The following FLACC1 variants were observed in gnomAD, a reference collection of about 807,000 sequenced individuals.
The protein encoded by FLACC1 is flagellum associated containing coiled-coil domains 1, also known as flagellum-associated coiled-coil domain-containing protein 1.
Under a neutral mutation model 62.8 loss-of-function variants are expected in FLACC1, and 66 were observed. That is an observed-to-expected ratio of 1.05 (90% CI 0.86 to 1.29). The LOEUF (loss-of-function observed/expected upper bound fraction) is 1.29, where lower values mean the gene tolerates loss of function less well. FLACC1 is among the 50% of genes most tolerant of loss of function. FLACC1 has a pLI of 0.00. For synonymous variants in FLACC1, 156 were observed against 161.0 expected (o/e 0.97, Z 0.24); for missense variants, 452 against 489.1 (o/e 0.92, Z 0.71).
Position 201,346,041 on chromosome 2 carries a change from T to C in FLACC1, c.368+501A>G, listed in dbSNP as rs1361858139. Among the ~76,000 whole-genome samples, 2 of 152,078 alleles carry C rather than the reference T, an allele frequency of 1.3e-5. No individual in the cohort carries two copies. The highest frequency in any genetic ancestry group is 2.9e-5 in the Non-Finnish European group (2 of 68,018). On this transcript the variant is annotated intron_variant, in intron 5 of 14. Transcript: ENST00000392257. The surrounding 1 kb of genome is among the most constrained non-coding windows in gnomAD (Gnocchi z 4.0). ...TTAGCCGGGCGTCATGGTGCAAGCC[T>C]GTAATCCTAGCTACTCAAGAGGTTG... is the stretch of plus-strand genomic sequence containing the variant.
intron 12 of FLACC1, among the ~76,000 whole-genome samples, chr2:201,296,783 G>A (rs1406320725): frequency 1.3e-5 from 2 of 152,174 alleles, no homozygotes; most frequent in Non-Finnish European, 2.9e-5. Context: ...GGTGGCACCT[G>A]AGAGGACAAG....
At chr2:201,291,996 A>C (rs1336860871) in intron 12 of FLACC1, among the ~76,000 whole-genome samples, 1 of 152,210 alleles carries the variant, frequency 6.6e-6, no homozygotes, top group Non-Finnish European at 1.5e-5. Flanking sequence ...AGAAGAAATG[A>C]ACAAAGCCTC....
chr2:201,307,742 C>T, intron 10 of FLACC1, 120 bp from the exon 11 acceptor site: 1 of 770,108 alleles, frequency 1.3e-6, no homozygotes, highest in Non-Finnish European at 2.2e-6. Context: ...AAGGTCATTG[C>T]AGCCTGGTGT....
chr2:201,328,439 T>A (rs1950535446), intron 9 of FLACC1, among the ~76,000 whole-genome samples: 1 of 152,090 alleles, frequency 6.6e-6, no homozygotes, highest in Admixed American at 6.5e-5. Flanking sequence ...TTATATATAT[T>A]TTTTGAGACA....
intron 7 of FLACC1, among the ~76,000 whole-genome samples, chr2:201,339,648 T>C (rs1950765952): frequency 6.6e-6 from 1 of 152,164 alleles, no homozygotes; most frequent in African/African-American, 2.4e-5. Context: ...CCATCTTAAT[T>C]TCTTCATTGT....
At chr2:201,299,104 A>G (rs1207120614) in intron 12 of FLACC1, 134 bp downstream of exon 12, 2 of 819,668 alleles carry the variant, frequency 2.4e-6, no homozygotes, top group South Asian at 1.9e-5. Context: ...TGAATCCAGT[A>G]AACTCAGCTT....
chr2:201,345,800 G>A (rs1950901409), intron 5 of FLACC1, among the ~76,000 whole-genome samples: 1 of 152,152 alleles, frequency 6.6e-6, no homozygotes, highest in Non-Finnish European at 1.5e-5. Context: ...CTGTGCTAAT[G>A]GGTTAGAGTC....
chr2:201,335,921 T>C (rs1220363819), intron 7 of FLACC1, among the ~76,000 whole-genome samples: 1 of 152,216 alleles, frequency 6.6e-6, no homozygotes, highest in Non-Finnish European at 1.5e-5. Context: ...AGCTATCTTA[T>C]TTTTTAAGCT....
chr2:201,346,064 T>C lies in FLACC1; in HGVS notation c.368+478A>G, dbSNP rs1001703446. 6.6e-6 allele frequency among the ~76,000 whole-genome samples: 1 copy of C among 151,852 alleles called. No individual in the cohort carries two copies. Among genetic ancestry groups the C allele is most frequent in the Non-Finnish European group, 1.5e-5 (1 of 67,946 alleles). ...CCTGTAATCCTAGCTACTCAAGAGG[T>C]TGAGGCGTGAGAATAGCTTAAACCT... On this transcript the variant is annotated intron_variant, in intron 5 of 14. Coordinates refer to ENST00000392257, the MANE Select transcript of FLACC1 (RefSeq NM_001127391.3). This position sits in a 1 kb window ranked among gnomAD's most constrained non-coding sequence, Gnocchi z 4.0.
intron 11 of FLACC1, among the ~76,000 whole-genome samples, chr2:201,305,949 G>T (rs1187252402): frequency 6.9e-6 from 1 of 144,068 alleles, no homozygotes; most frequent in African/African-American, 2.6e-5. Context: ...TGGGGGGAGG[G>T]GGGAAGGATA....
upstream of FLACC1, among the ~76,000 whole-genome samples, chr2:201,361,491 A>T (rs1951185614): frequency 6.6e-6 from 1 of 152,240 alleles, no homozygotes; most frequent in East Asian, 1.9e-4. Context: ...TTCCACAGGT[A>T]TTCGCATACA....
chr2:201,332,926 G>A (rs1950623418), intron 7 of FLACC1, among the ~76,000 whole-genome samples: 1 of 152,154 alleles, frequency 6.6e-6, no homozygotes, highest in Non-Finnish European at 1.5e-5. Flanking sequence ...TCCATTTTAT[G>A]TATATACCAC....
chr2:201,318,394 T>A (rs1316667599), intron 9 of FLACC1, among the ~76,000 whole-genome samples: 1 of 151,738 alleles, frequency 6.6e-6, no homozygotes, highest in Admixed American at 6.6e-5. Flanking sequence ...TAAAACAAAT[T>A]AGCAAGAAAA....
rs542478287 is a variant in FLACC1 at position 201,327,382 on chromosome 2, G to A, written c.675+3088C>T. The stretch of plus-strand genomic sequence containing the variant: ...AGAAATAATAAACAGACAACCCACA[G>A]AATGGGAGAAAATATTTGCAAACTA... On this transcript the variant is annotated intron_variant, in intron 9 of 14. Transcript: ENST00000392257. Among the ~76,000 whole-genome samples, 147 of 152,066 alleles carry A rather than the reference G, an allele frequency of 9.7e-4. 1 individual carries two copies. Among genetic ancestry groups the A allele is most frequent in the African/African-American group, 3.1e-3 (127 of 41,518 alleles).
At chr2:201,310,017 T>C (rs2125564672) in intron 9 of FLACC1, among the ~76,000 whole-genome samples, 1 of 151,052 alleles carries the variant, frequency 6.6e-6, no homozygotes, top group South Asian at 2.1e-4. Flanking sequence ...TCTCAGCAAA[T>C]CTAACTTTCT....
At position 201,302,624 on chromosome 2, in the gene FLACC1, A is replaced by G. The variant is rs532242741; in HGVS notation, c.880-3324T>C. Among the ~76,000 whole-genome samples the G allele has an allele frequency of 1.3e-3, 201 of 152,342 alleles. 3 individuals are homozygous for G. Among genetic ancestry groups the G allele is most frequent in the African/African-American group, 4.7e-3 (194 of 41,570 alleles). On this transcript the variant is annotated intron_variant, in intron 11 of 14. Transcript: ENST00000392257. ...ACTCTCCACCCCAAATCAACAGAAT[A>G]TACATTCTTCTCAGCACCACATCAC...
intron 4 of FLACC1, 169 bp downstream of exon 4, chr2:201,348,085 G>T (rs931449005): frequency 1.7e-4 from 95 of 570,564 alleles, no homozygotes; most frequent in Non-Finnish European, 2.5e-4. Context: ...TTCAAGTCGT[G>T]GTTCTTCCAC....
intron 11 of FLACC1, among the ~76,000 whole-genome samples, chr2:201,304,483 T>C (rs1257498893): frequency 6.6e-6 from 1 of 152,140 alleles, no homozygotes; most frequent in African/African-American, 2.4e-5. Context: ...GAAGAATCAA[T>C]ATCGTGAAAA....
rs369071183 is a variant in FLACC1 at position 201,326,517 on chromosome 2, C to T, written c.675+3953G>A. Among the ~76,000 whole-genome samples the T allele has an allele frequency of 1.5e-3, 230 of 152,222 alleles. 2 individuals carry two copies. Among genetic ancestry groups the T allele is most frequent in the African/African-American group, 5.2e-3 (216 of 41,534 alleles). Reference sequence around the variant, plus strand: ...TACACATATCAGTAGCACTGCTATACGCTAACAACGACCAAGCTGAGAATC... The same window carrying T: ...TACACATATCAGTAGCACTGCTATATGCTAACAACGACCAAGCTGAGAATC... On this transcript the variant is annotated intron_variant, in intron 9 of 14. Transcript: ENST00000392257. This position sits in a 1 kb window ranked among gnomAD's most constrained non-coding sequence, Gnocchi z 4.1.
Sources: allele counts gnomAD v4.1 joint callset (sites outside exome capture counted in the v4.1 genomes callset), GRCh38; gene constraint gnomAD v4.1.1; non-coding constraint Gnocchi (gnomAD v3.1); transcripts MANE v1.5; gene names NCBI Gene and HGNC (gene_info 2026-07-23, HGNC 2026-07-21).